NCAM1: variants seen among roughly 807,000 people sequenced by gnomAD.
The protein encoded by NCAM1 is antigen recognized by monoclonal antibody 5.1H11.
Under a neutral mutation model 109.8 loss-of-function variants are expected in NCAM1, and 14 were observed. That is an observed-to-expected ratio of 0.13 (90% CI 0.08 to 0.20). The LOEUF is 0.20. NCAM1 is among the 10% of genes least tolerant of loss of function. The pLI is 1.00. For synonymous variants in NCAM1, 418 were observed against 442.9 expected (o/e 0.94, Z 0.70); for missense variants, 774 against 1,109.9 (o/e 0.70, Z 4.30).
In NCAM1 at chr11:113,221,333, T is replaced by C. The variant is rs1555115274; in HGVS notation, c.1089+8T>C. ...CGACCAGAGAAGCAAGAGGTATAGC[T>C]TACCTGACCACTAGCCAGTCTTTAG... On this transcript the variant is annotated splice_region_variant and intron_variant, in intron 9 of 19. Coordinates refer to ENST00000316851, the MANE Select transcript of NCAM1 (RefSeq NM_181351.5). 6.4e-7 allele frequency: 1 copy of C among 1,567,756 alleles called. No homozygotes were observed. The highest frequency in any genetic ancestry group is 1.7e-4 in the Middle Eastern group (1 of 6,008).
intron 16 of NCAM1, among the ~76,000 whole-genome samples, chr11:113,256,781 A>G (rs1945845081): frequency 6.7e-6 from 1 of 149,572 alleles, no homozygotes; most frequent in Non-Finnish European, 1.5e-5. Context: ...ACACTTGGTC[A>G]TCTTCAACTA....
chr11:112,967,624 T>A (rs1950763091), intron 1 of NCAM1, among the ~76,000 whole-genome samples: 1 of 152,198 alleles, frequency 6.6e-6, no homozygotes, highest in Non-Finnish European at 1.5e-5. Flanking sequence ...TAGGCAGTGT[T>A]CATTAGTGAG....
chr11:113,255,808 T>G (rs1414426754), intron 15 of NCAM1, 69 bp from the exon 16 acceptor site: 31 of 1,550,846 alleles, frequency 2.0e-5, no homozygotes, highest in Non-Finnish European at 2.5e-5. Context: ...TGTCACTCCA[T>G]CCCATTCAGA....
chr11:113,235,567 T>A (rs1206840639), intron 14 of NCAM1, among the ~76,000 whole-genome samples: 10 of 152,146 alleles, frequency 6.6e-5, no homozygotes, highest in Admixed American at 6.5e-4. Flanking sequence ...TGGTGACAGT[T>A]CACATAATGC....
chr11:113,071,667 C>T (rs943859923), intron 1 of NCAM1, among the ~76,000 whole-genome samples: 25 of 152,166 alleles, frequency 1.6e-4, no homozygotes, highest in East Asian at 9.8e-4. Flanking sequence ...CCTCGTGATC[C>T]GCCCGCCTCA....
In NCAM1 at chr11:113,089,810, A is replaced by G. The variant is rs78232349; in HGVS notation, c.53-112569A>G. Among the ~76,000 whole-genome samples, 1,033 of 152,302 alleles carry G rather than the reference A, an allele frequency of 6.8e-3. 14 individuals are homozygous for G. The highest frequency in any genetic ancestry group is 0.023 in the African/African-American group (964 of 41,548). ...GCTAATCATAACATGAAGAAAGTATATTTTTCCCAAGAAAGATTATAATGC... is the reference window on the plus strand; with the variant it reads ...GCTAATCATAACATGAAGAAAGTATGTTTTTCCCAAGAAAGATTATAATGC... On this transcript the variant is annotated intron_variant, in intron 1 of 19. Coordinates refer to ENST00000316851, the MANE Select transcript of NCAM1 (RefSeq NM_181351.5).
chr11:113,246,300 G>A (rs377369038), intron 14 of NCAM1, 68 bp from the exon 15 acceptor site: 18 of 714,386 alleles, frequency 2.5e-5, no homozygotes, highest in South Asian at 4.4e-5. Flanking sequence ...TATCATGTGC[G>A]TGCGTATCAT....
At chr11:113,108,978 T>C in intron 1 of NCAM1, among the ~76,000 whole-genome samples, 1 of 150,772 alleles carries the variant, frequency 6.6e-6, no homozygotes, top group South Asian at 2.1e-4. Flanking sequence ...CCACCTGCCT[T>C]GGCCTCCCAA....
At chr11:112,964,640 A>G (rs1950683327) in intron 1 of NCAM1, among the ~76,000 whole-genome samples, 2 of 152,252 alleles carry the variant, frequency 1.3e-5, no homozygotes, top group Admixed American at 6.5e-5. Context: ...GCACAGTTAT[A>G]GTGAGCCATA....
chr11:113,035,961 C>G (rs1223051191), intron 1 of NCAM1, among the ~76,000 whole-genome samples: 1 of 152,062 alleles, frequency 6.6e-6, no homozygotes, highest in Non-Finnish European at 1.5e-5. Context: ...CCGAGAAGTC[C>G]AAGTCTGTTT....
chr11:113,104,201 G>GT (rs1555092068), intron 1 of NCAM1, among the ~76,000 whole-genome samples: 22 of 124,832 alleles, frequency 1.8e-4, no homozygotes, highest in African/African-American at 6.6e-4. Context: ...TGAAGAGGAG[G>GT]TGGGGTGGGG....
intron 1 of NCAM1, among the ~76,000 whole-genome samples, chr11:113,116,352 G>A (rs1269237670): frequency 1.3e-5 from 2 of 152,160 alleles, no homozygotes; most frequent in Non-Finnish European, 2.9e-5. Context: ...GGAAAGAGAA[G>A]GGTGGTGGAC....
intron 1 of NCAM1, among the ~76,000 whole-genome samples, chr11:113,106,107 TG>T (rs1358598970): frequency 6.6e-6 from 1 of 152,178 alleles, no homozygotes; most frequent in Non-Finnish European, 1.5e-5. Context: ...AAATATTATC[TG>T]AAAAAAAACA....
intron 1 of NCAM1, among the ~76,000 whole-genome samples, chr11:113,185,079 T>TATATATATATATAG: frequency 4.4e-4 from 55 of 125,750 alleles, no homozygotes; most frequent in African/African-American, 1.2e-3. Context: ...TATATATATA[T>TATATATATATATAG]AGAGAGAGAG....
chr11:113,121,120 C>A (rs79835644), intron 1 of NCAM1, among the ~76,000 whole-genome samples: 2,022 of 152,002 alleles, frequency 0.013, 31 homozygotes, highest in African/African-American at 0.046. Context: ...CTGTGTGATC[C>A]TGTGCTTTGG....
At chr11:113,070,574 G>A (rs1555085127) in intron 1 of NCAM1, among the ~76,000 whole-genome samples, 3 of 152,160 alleles carry the variant, frequency 2.0e-5, no homozygotes, top group Non-Finnish European at 4.4e-5. Context: ...GATCGCAGAG[G>A]AAGACAGGAG....
intron 8 of NCAM1, among the ~76,000 whole-genome samples, chr11:113,218,442 G>T (rs951020496): frequency 3.3e-5 from 5 of 152,134 alleles, no homozygotes; most frequent in African/African-American, 1.2e-4. Context: ...TTTGTGTTTT[G>T]CTTCACTGCT....
chr11:113,015,578 A>C (rs540149483), intron 1 of NCAM1, among the ~76,000 whole-genome samples: 1 of 152,042 alleles, frequency 6.6e-6, no homozygotes, highest in African/African-American at 2.4e-5. Flanking sequence ...TCTACTAAAA[A>C]TACAAAAATT....
At chr11:113,007,420 G>C (rs1315323767) in intron 1 of NCAM1, among the ~76,000 whole-genome samples, 1 of 152,152 alleles carries the variant, frequency 6.6e-6, no homozygotes, top group Non-Finnish European at 1.5e-5. Flanking sequence ...ACTAGGAATA[G>C]ATCTGCCCAA....
Sources: allele counts gnomAD v4.1 joint callset (sites outside exome capture counted in the v4.1 genomes callset), GRCh38; gene constraint gnomAD v4.1.1; transcripts MANE v1.5; gene names NCBI Gene and HGNC (gene_info 2026-07-23, HGNC 2026-07-21).